The following FREM3 variants were observed in gnomAD, a reference collection of about 807,000 sequenced individuals.
FREM3 encodes FRAS1-related extracellular matrix protein 3.
In FREM3, 105 loss-of-function variants were observed where a neutral mutation model predicts 129.1. The ratio of observed to expected loss-of-function variants is 0.81; its 90% CI spans 0.69 to 0.96. The LOEUF is 0.96. Ranked by LOEUF, FREM3 falls within the 40% of genes least tolerant of loss-of-function variation. The pLI, the probability that FREM3 is intolerant of heterozygous loss-of-function variation, is 0.00. For missense variants in FREM3, 2,593 were observed against 2,666.3 expected, an observed-to-expected ratio of 0.97 and a Z score of 0.61; for synonymous variants, 1,014 against 1,044.9, an observed-to-expected ratio of 0.97 and a Z score of 0.57.
At chr4:143,628,294 C>T (rs1188736315) in intron 2 of FREM3, among the ~76,000 whole-genome samples, 3 of 152,134 alleles carry the variant, frequency 2.0e-5, no homozygotes, top group Non-Finnish European at 4.4e-5. Flanking sequence ...TTAAAAACTA[C>T]CCATGAAGAG....
At chr4:143,672,443 GA>G (rs1271132865) in intron 2 of FREM3, among the ~76,000 whole-genome samples, 5 of 152,202 alleles carry the variant, frequency 3.3e-5, no homozygotes, top group African/African-American at 7.2e-5. Flanking sequence ...ATCTTTGTAT[GA>G]AAAAGCATAT....
intron 2 of FREM3, among the ~76,000 whole-genome samples, chr4:143,685,084 G>A (rs1740335098): frequency 6.6e-6 from 1 of 152,092 alleles, no homozygotes; most frequent in Admixed American, 6.6e-5. Context: ...ATTTTTGGGG[G>A]AATAATCAAG....
chr4:143,670,181 T>A (rs1739942900), intron 2 of FREM3, among the ~76,000 whole-genome samples: 1 of 152,166 alleles, frequency 6.6e-6, no homozygotes, highest in Admixed American at 6.5e-5. Context: ...ACTGAGAAAT[T>A]AAGTACATCT....
intron 2 of FREM3, among the ~76,000 whole-genome samples, chr4:143,634,402 A>T (rs1446697352): frequency 6.6e-6 from 1 of 152,136 alleles, no homozygotes; most frequent in Non-Finnish European, 1.5e-5. Context: ...TTGGATAAGA[A>T]GATTTATAGC....
At chr4:143,638,201 G>A (rs1739265831) in intron 2 of FREM3, among the ~76,000 whole-genome samples, 1 of 152,096 alleles carries the variant, frequency 6.6e-6, no homozygotes, top group South Asian at 2.1e-4. Flanking sequence ...TGCCTCAACA[G>A]GGACACCACA....
At position 143,700,501 on chromosome 4, in the gene FREM3, C is replaced by T. The variant is rs1740679129; in HGVS notation, c.175G>A (p.Gly59Ser). 1.3e-6 allele frequency: 2 copies of T among 1,513,438 alleles called. No individual in the cohort carries two copies. Among genetic ancestry groups the T allele is most frequent in the African/African-American group, 1.4e-5 (1 of 72,486 alleles). 93.8% of individuals were successfully genotyped at this position (1,513,438 alleles called of 1,614,324 possible). A position where few individuals can be genotyped will look rare whatever the true frequency, so the allele number is the denominator to read the frequency against. Residue 59 changes from glycine to serine, a missense_variant, in exon 1 of 8, where the codon GGC becomes AGC. Physicochemically the swap from Gly to Ser is moderately conservative, Grantham distance 56 (BLOSUM62 0). Coordinates refer to ENST00000329798, the MANE Select transcript of FREM3 (RefSeq NM_001168235.2). ...RGALDGTRPD[G>S]PSVLIANPGL... is the part of the protein sequence containing the mutation. ...GGGTTGGCAATCAGCACGCTGGGGCCGTCGGGGCGAGTGCCGTCAAGCGCA... is the reference window on the plus strand; with the variant it reads ...GGGTTGGCAATCAGCACGCTGGGGCTGTCGGGGCGAGTGCCGTCAAGCGCA...
At position 143,591,836 on chromosome 4, in the gene FREM3, C is replaced by T. The variant is rs373220342; in HGVS notation, c.6029-5843G>A. Among the ~76,000 whole-genome samples, 876 of 152,132 alleles carry T rather than the reference C, an allele frequency of 5.8e-3. 7 individuals carry two copies. The highest frequency in any genetic ancestry group is 0.02 in the African/African-American group (817 of 41,528). On this transcript the variant is annotated intron_variant, in intron 6 of 7. Coordinates refer to ENST00000329798, the MANE Select transcript of FREM3 (RefSeq NM_001168235.2). Reference sequence around the variant, plus strand: ...CACTGATCTGTCTAATGTTGACAGTCGGGTGTTAAAGTCTCCCATTATTAT... The same window carrying T: ...CACTGATCTGTCTAATGTTGACAGTTGGGTGTTAAAGTCTCCCATTATTAT...
chr4:143,596,218 G>A (rs968467922), intron 6 of FREM3, among the ~76,000 whole-genome samples: 2 of 152,192 alleles, frequency 1.3e-5, no homozygotes, highest in Non-Finnish European at 2.9e-5. Context: ...TTTAGGCAGT[G>A]AAAAGGTGTT....
chr4:143,602,281 G>T (rs1309304481), intron 6 of FREM3, among the ~76,000 whole-genome samples: 1 of 152,150 alleles, frequency 6.6e-6, no homozygotes, highest in East Asian at 1.9e-4. Context: ...TTGACAGTTG[G>T]CTAATGCTTA....
chr4:143,577,882 A>T lies in FREM3; in HGVS notation c.6179-30T>A, dbSNP rs1302946190. On this transcript the variant is annotated intron_variant, in intron 7 of 7. Coordinates refer to ENST00000329798, the MANE Select transcript of FREM3 (RefSeq NM_001168235.2). Reference sequence around the variant, plus strand: ...TGAAAAAGGAAAAGGCACTGGTGAGACAGTAGGATTTGTCATAAGTTTTCC... The same window carrying T: ...TGAAAAAGGAAAAGGCACTGGTGAGTCAGTAGGATTTGTCATAAGTTTTCC... 10 of 1,518,362 alleles carry T rather than the reference A, an allele frequency of 6.6e-6. No homozygotes were observed. In the East Asian group the frequency reaches 1.5e-4, roughly 22 times the overall value. 94.1% of individuals were successfully genotyped at this position (1,518,362 alleles called of 1,614,324 possible).
At chr4:143,587,914 C>T (rs190009728) in intron 6 of FREM3, among the ~76,000 whole-genome samples, 1 of 152,314 alleles carries the variant, frequency 6.6e-6, no homozygotes, top group East Asian at 1.9e-4. Context: ...CACCTTTGGA[C>T]AAGTTCATTC....
At chr4:143,692,643 C>T (rs961749338) in intron 2 of FREM3, among the ~76,000 whole-genome samples, 4 of 151,888 alleles carry the variant, frequency 2.6e-5, no homozygotes, top group Non-Finnish European at 5.9e-5. Flanking sequence ...TCCTCTATGC[C>T]GGGAGAAATA....
intron 2 of FREM3, among the ~76,000 whole-genome samples, chr4:143,638,139 G>A (rs539920657): frequency 2.0e-5 from 3 of 152,182 alleles, no homozygotes; most frequent in South Asian, 2.1e-4. Flanking sequence ...TAAGGACAGC[G>A]GAAACAGTGT....
intron 7 of FREM3, among the ~76,000 whole-genome samples, chr4:143,580,265 G>C (rs1177726050): frequency 2.6e-5 from 4 of 152,212 alleles, no homozygotes; most frequent in African/African-American, 9.6e-5. Flanking sequence ...ATGACCCACA[G>C]AGAACATAGA....
chr4:143,693,113 C>T lies in FREM3; in HGVS notation c.5275G>A (p.Gly1759Arg), dbSNP rs752641806. The T allele has an allele frequency of 4.8e-6, 7 of 1,447,886 alleles. No individual in the cohort carries two copies. The highest frequency in any genetic ancestry group is 1.8e-4 in the Middle Eastern group (1 of 5,566). The allele number at this position is 1,447,886 out of a possible 1,614,324, so 89.7% of individuals were successfully genotyped here. A position where few individuals can be genotyped will look rare whatever the true frequency, so the allele number is the denominator to read the frequency against. Residue 1759 changes from glycine to arginine, a missense_variant and splice_region_variant, in exon 2 of 8, where the codon GGA (glycine) becomes AGA (arginine). Gly to Arg is a moderately radical substitution (Grantham distance 125, BLOSUM62 -2). Coordinates refer to ENST00000329798, the MANE Select transcript of FREM3 (RefSeq NM_001168235.2). ...TTTTGAAGGGTTTATTATGACTTAC[C>T]ATTGTCTTCAACAGAGAAATAGAAG... is the stretch of plus-strand genomic sequence containing the variant. ...DIFYFSVEDN[G>R]GNKLTNQPFH...
Position 143,699,664 on chromosome 4 carries a change from C to A in FREM3, c.1012G>T (p.Asp338Tyr). Residue 338 changes from aspartate (D) to tyrosine (Y), a missense_variant, in exon 1 of 8, where the codon GAC becomes TAC. Physicochemically the swap from Asp to Tyr is radical, Grantham distance 160. This residue lies in a region of FREM3 where 2,276 missense variants were observed against 2,267.2 expected (regional missense o/e 1.00). Coordinates refer to ENST00000329798, the MANE Select transcript of FREM3 (RefSeq NM_001168235.2). This position sits in a 1 kb window ranked among gnomAD's most constrained non-coding sequence, Gnocchi z 4.2. ...DALAAEDVES[D>Y]PGDLVFNILN... ...ATGTTGAACACCAGGTCACCAGGGTCTGACTCGACGTCCTCCGCGGCCAGT... is the reference window on the plus strand; with the variant it reads ...ATGTTGAACACCAGGTCACCAGGGTATGACTCGACGTCCTCCGCGGCCAGT... 6.5e-7 allele frequency: 1 copy of A among 1,529,606 alleles called. No individual in the cohort carries two copies. Among genetic ancestry groups the A allele is most frequent in the Non-Finnish European group, 8.8e-7 (1 of 1,142,494 alleles). 94.8% of individuals were successfully genotyped at this position (1,529,606 alleles called of 1,614,324 possible).
chr4:143,630,983 A>G (rs894981102), intron 2 of FREM3, among the ~76,000 whole-genome samples: 2 of 152,184 alleles, frequency 1.3e-5, no homozygotes, highest in African/African-American at 2.4e-5. Context: ...ATTGGCCAGA[A>G]AAAAGACTGT....
intron 2 of FREM3, among the ~76,000 whole-genome samples, chr4:143,679,641 T>C (rs940590339): frequency 6.6e-6 from 1 of 152,200 alleles, no homozygotes. Context: ...AGCAATTTCC[T>C]ATATTTCACA....
intron 2 of FREM3, among the ~76,000 whole-genome samples, chr4:143,648,645 G>A (rs1318269848): frequency 6.6e-6 from 1 of 152,176 alleles, no homozygotes; most frequent in East Asian, 1.9e-4. Context: ...GAAGAAGGAC[G>A]TGTTTGCTTC....
Sources: gnomAD v4.1 joint callset for allele counts (sites outside exome capture counted in the v4.1 genomes callset) on GRCh38, gnomAD v4.1.1 for gene constraint, gnomAD v4.1.1 regional missense constraint, Gnocchi (gnomAD v3.1) non-coding constraint, MANE v1.5 for transcripts, NCBI Gene and HGNC (gene_info 2026-07-23, HGNC 2026-07-21) for gene names.